Variants in DPP10 observed in about 807,000 individuals in gnomAD.
DPP10 encodes inactive dipeptidyl peptidase 10.
In DPP10, 33 loss-of-function variants were observed where a neutral mutation model predicts 120.9. That is an observed-to-expected ratio of 0.27 (90% confidence interval 0.21 to 0.37). The LOEUF (loss-of-function observed/expected upper bound fraction) is 0.37, where lower values mean the gene tolerates loss of function less well. Ranked by LOEUF, DPP10 falls within the 10% of genes least tolerant of loss-of-function variation. DPP10 has a pLI of 1.00. For synonymous variants in DPP10, 337 were observed against 326.1 expected, an observed-to-expected ratio of 1.03 and a Z score of -0.36; for missense variants, 816 against 942.8, an observed-to-expected ratio of 0.87 and a Z score of 1.76.
intron 5 of DPP10, among the ~76,000 whole-genome samples, chr2:115,564,736 A>T (rs931213764): frequency 6.6e-6 from 1 of 152,222 alleles, no homozygotes; most frequent in East Asian, 1.9e-4. Flanking sequence ...TAAAATGTCA[A>T]TTTGAAGCAG....
chr2:115,208,375 G>T (rs1036172078), intron 1 of DPP10, among the ~76,000 whole-genome samples: 1 of 151,268 alleles, frequency 6.6e-6, no homozygotes, highest in African/African-American at 2.4e-5. Flanking sequence ...AATTTATCTC[G>T]CTATTTTTAT....
chr2:114,843,332 T>C (rs1438906866), intron 1 of DPP10, among the ~76,000 whole-genome samples: 1 of 152,144 alleles, frequency 6.6e-6, no homozygotes, highest in African/African-American at 2.4e-5. Context: ...AAGAAATAAA[T>C]ATGCAGCCTC....
At chr2:114,912,983 A>G (rs1351387760) in intron 1 of DPP10, among the ~76,000 whole-genome samples, 2 of 152,154 alleles carry the variant, frequency 1.3e-5, no homozygotes, top group African/African-American at 4.8e-5. Flanking sequence ...GTTGGCTGCT[A>G]AACTTGGACA....
intron 3 of DPP10, among the ~76,000 whole-genome samples, chr2:115,419,669 A>T (rs2069759155): frequency 6.6e-6 from 1 of 152,196 alleles, no homozygotes; most frequent in Non-Finnish European, 1.5e-5. Flanking sequence ...CCAATTTATT[A>T]AAGTAAGTTT....
intron 1 of DPP10, among the ~76,000 whole-genome samples, chr2:114,939,689 T>C (rs1696752582): frequency 6.6e-6 from 1 of 152,132 alleles, no homozygotes; most frequent in Non-Finnish European, 1.5e-5. Context: ...GAAACTTACT[T>C]CACTTTTGTC....
At chr2:114,942,025 G>A (rs2104572259) in intron 1 of DPP10, among the ~76,000 whole-genome samples, 1 of 151,946 alleles carries the variant, frequency 6.6e-6, no homozygotes, top group Admixed American at 6.6e-5. Context: ...TGTAATCCCA[G>A]CATTTTGGGA....
At chr2:115,236,555 C>T (rs532453940) in intron 1 of DPP10, among the ~76,000 whole-genome samples, 8 of 152,286 alleles carry the variant, frequency 5.3e-5, no homozygotes, top group African/African-American at 1.2e-4. Flanking sequence ...TAACTGATCA[C>T]GGCATCTTTA....
intron 1 of DPP10, among the ~76,000 whole-genome samples, chr2:115,063,615 T>C (rs1706595834): frequency 6.6e-6 from 1 of 152,146 alleles, no homozygotes; most frequent in Non-Finnish European, 1.5e-5. Flanking sequence ...TAAGATTGCA[T>C]GTCTATAACC....
rs1310507943 is a variant in DPP10 at position 115,087,533 on chromosome 2, C to CTTTTTTTTTTTTTTTTTTT, written c.61-221702_61-221701insTTTTTTTTTTTTTTTTTTT. 4.0e-4 allele frequency among the ~76,000 whole-genome samples: 37 copies of CTTTTTTTTTTTTTTTTTTT among 92,580 alleles called. 1 individual carries two copies. Among genetic ancestry groups the CTTTTTTTTTTTTTTTTTTT allele is most frequent in the Non-Finnish European group, 7.0e-4 (32 of 45,506 alleles). 60.7% of individuals were successfully genotyped at this position (92,580 alleles called of 152,430 possible). On this transcript the variant is annotated intron_variant, in intron 1 of 25. Coordinates refer to ENST00000410059, the MANE Select transcript of DPP10 (RefSeq NM_020868.6). ...TCTTTTTCTTTCTTTCTTTTCTTTT[C>CTTTTTTTTTTTTTTTTTTT]TTTTCTTTTTTTTTTTTTTTTTTGA...
chr2:114,895,997 T>C (rs1165417592), intron 1 of DPP10, among the ~76,000 whole-genome samples: 1 of 152,218 alleles, frequency 6.6e-6, no homozygotes. Flanking sequence ...GGGAATCCTT[T>C]CCCCATTGCT....
At chr2:115,315,861 T>G (rs995483141) in intron 2 of DPP10, among the ~76,000 whole-genome samples, 1 of 152,186 alleles carries the variant, frequency 6.6e-6, no homozygotes, top group African/African-American at 2.4e-5. Flanking sequence ...TTGTTGTTGC[T>G]TTTTTAAATA....
intron 1 of DPP10, among the ~76,000 whole-genome samples, chr2:114,624,534 C>T (rs1021139813): frequency 1.3e-5 from 2 of 151,886 alleles, no homozygotes; most frequent in Non-Finnish European, 2.9e-5. Flanking sequence ...AGTGACTTCT[C>T]TTTCCTGAAA....
chr2:114,686,454 T>TAGATGTAC (rs1699374152), intron 1 of DPP10, among the ~76,000 whole-genome samples: 1 of 151,890 alleles, frequency 6.6e-6, no homozygotes, highest in Non-Finnish European at 1.5e-5. Flanking sequence ...AACCAGAATA[T>TAGATGTAC]ATCTATAGAT....
At chr2:114,978,966 A>T (rs1183118284) in intron 1 of DPP10, among the ~76,000 whole-genome samples, 1 of 152,096 alleles carries the variant, frequency 6.6e-6, no homozygotes, top group Non-Finnish European at 1.5e-5. Flanking sequence ...CTCTCACACA[A>T]ATTAGGACAT....
intron 1 of DPP10, among the ~76,000 whole-genome samples, chr2:114,452,235 A>C (rs1678323258): frequency 6.6e-6 from 1 of 152,116 alleles, no homozygotes; most frequent in Non-Finnish European, 1.5e-5. Context: ...AATCTCGAAG[A>C]ATACCTGGAA....
intron 1 of DPP10, among the ~76,000 whole-genome samples, chr2:115,067,804 G>A (rs1298335983): frequency 1.4e-5 from 2 of 144,372 alleles, no homozygotes; most frequent in Non-Finnish European, 3.0e-5. Context: ...GGAGCTTGCA[G>A]TGAGCTGAGA....
At chr2:115,738,227 G>A (rs1676825383) in intron 8 of DPP10, among the ~76,000 whole-genome samples, 1 of 152,014 alleles carries the variant, frequency 6.6e-6, no homozygotes, top group Non-Finnish European at 1.5e-5. Context: ...ATGTTCTCTT[G>A]GACTGTGGCC....
chr2:114,603,976 G>A (rs989749131), intron 1 of DPP10, among the ~76,000 whole-genome samples: 2 of 152,042 alleles, frequency 1.3e-5, no homozygotes, highest in African/African-American at 4.8e-5. Flanking sequence ...AAGGTACATG[G>A]GGCAAAGTTT....
intron 5 of DPP10, among the ~76,000 whole-genome samples, chr2:115,592,165 A>G (rs748646731): frequency 1.4e-4 from 22 of 152,202 alleles, no homozygotes; most frequent in Non-Finnish European, 2.6e-4. Flanking sequence ...AGCCTTCAGA[A>G]TAAAGACCCA....
Sources: gnomAD v4.1 joint callset for allele counts (sites outside exome capture counted in the v4.1 genomes callset) on GRCh38, gnomAD v4.1.1 for gene constraint, MANE v1.5 for transcripts, NCBI Gene and HGNC (gene_info 2026-07-23, HGNC 2026-07-21) for gene names.